The following DIS3 variants were observed in gnomAD, a reference collection of about 807,000 sequenced individuals.
DIS3 encodes the protein exosome complex exonuclease RRP44.
Under a neutral mutation model 113.0 loss-of-function variants are expected in DIS3, and 103 were observed. The ratio of observed to expected loss-of-function variants is 0.91; its 90% CI spans 0.78 to 1.07. The LOEUF is 1.07. Ranked by LOEUF, DIS3 falls within the 50% of genes least tolerant of loss-of-function variation. The pLI, the probability that DIS3 is intolerant of heterozygous loss-of-function variation, is 0.00. For missense variants in DIS3, 1,121 were observed against 1,167.1 expected (o/e 0.96, Z 0.58); for synonymous variants, 402 against 394.3 (o/e 1.02, Z -0.23).
chr13:72,765,469 G>C (rs2033722166), intron 15 of DIS3, among the ~76,000 whole-genome samples: 1 of 152,090 alleles, frequency 6.6e-6, no homozygotes, highest in Non-Finnish European at 1.5e-5. Context: ...TGCGACAAGG[G>C]GAGGGAGGGA....
chr13:72,775,595 C>G (rs553084948), intron 5 of DIS3, among the ~76,000 whole-genome samples: 38 of 152,212 alleles, frequency 2.5e-4, no homozygotes, highest in African/African-American at 8.7e-4. Context: ...AGGCTGTGTT[C>G]ATGGCTCCAT....
At chr13:72,764,856 G>A (rs2033708695) in intron 15 of DIS3, among the ~76,000 whole-genome samples, 1 of 151,920 alleles carries the variant, frequency 6.6e-6, no homozygotes, top group Admixed American at 6.6e-5. Context: ...TTTTACTTTG[G>A]CAAAGCTAGT....
At chr13:72,760,136 C>G (rs1032223091) in intron 20 of DIS3, among the ~76,000 whole-genome samples, 3 of 152,124 alleles carry the variant, frequency 2.0e-5, no homozygotes, top group South Asian at 2.1e-4. Flanking sequence ...TACAAAACAG[C>G]CTTCCCAATG....
At chr13:72,769,312 A>C (rs1042518286) in intron 13 of DIS3, among the ~76,000 whole-genome samples, 3 of 152,306 alleles carry the variant, frequency 2.0e-5, no homozygotes, top group Admixed American at 6.5e-5. Context: ...CAAATAATTA[A>C]GACTGCAGGA....
intron 14 of DIS3, among the ~76,000 whole-genome samples, chr13:72,768,098 T>C (rs565314320): frequency 6.6e-6 from 1 of 151,444 alleles, no homozygotes; most frequent in East Asian, 1.9e-4. Flanking sequence ...AATGAGGAGG[T>C]TGAATTAAAT....
At chr13:72,762,232 T>A in intron 16 of DIS3, 95 bp from the exon 17 acceptor site, 1 of 1,123,728 alleles carries the variant, frequency 8.9e-7, no homozygotes. Context: ...TGAACAAACA[T>A]CATGTTTTTG....
intron 15 of DIS3, among the ~76,000 whole-genome samples, chr13:72,764,202 T>A (rs989203845): frequency 2.0e-5 from 3 of 152,014 alleles, no homozygotes; most frequent in Non-Finnish European, 4.4e-5. Context: ...ACTACTCTAT[T>A]TATAAATGAA....
rs530116688 is a variant in DIS3 at position 72,761,612 on chromosome 13, A to AT, written c.2511+33dup. On this transcript the variant is annotated intron_variant, in intron 18 of 20. Transcript: ENST00000377767. ...TTAAATTAAAAATGAACAAAACTTCATTTTTTCTAGCAGTATCGACAAAAG... is the reference window on the plus strand; with the variant it reads ...TTAAATTAAAAATGAACAAAACTTCATTTTTTTCTAGCAGTATCGACAAAAG... 660 of 1,546,614 alleles carry AT rather than the reference A, an allele frequency of 4.3e-4. 8 individuals carry two copies. The South Asian group carries it at 7.7e-3, about 18-fold the overall frequency.
chr13:72,771,335 G>T (rs1421103804), intron 11 of DIS3, among the ~76,000 whole-genome samples, 190 bp from the exon 12 acceptor site: 1 of 152,174 alleles, frequency 6.6e-6, no homozygotes, highest in African/African-American at 2.4e-5. Flanking sequence ...AATTGTTAAA[G>T]AAGGAAAGCT....
At position 72,757,709 on chromosome 13, in the gene DIS3, G is replaced by A. The variant is rs1464106993; in HGVS notation, c.*2086C>T. On this transcript the variant is annotated 3_prime_UTR_variant, in exon 21 of 21. Coordinates refer to ENST00000377767, the MANE Select transcript of DIS3 (RefSeq NM_014953.5). ...CCCAAAATGCTAGGATTACAGGCAT[G>A]AGCCACCGCACCTAGCCGGCAAACT... 2 of 184,734 alleles carry A rather than the reference G, an allele frequency of 1.1e-5. No homozygotes were observed. Among genetic ancestry groups the A allele is most frequent in the Admixed American group, 6.2e-5 (1 of 16,062 alleles). The allele number at this position is 184,734 out of a possible 1,614,324, so 11.4% of individuals were successfully genotyped here. A position where few individuals can be genotyped will look rare whatever the true frequency, so the allele number is the denominator to read the frequency against.
intron 11 of DIS3, 32 bp downstream of exon 11, chr13:72,771,763 G>T: frequency 1.3e-6 from 2 of 1,597,628 alleles, no homozygotes; most frequent in Admixed American, 1.7e-5. Flanking sequence ...AAGTGTCCAT[G>T]ACTGTTAAAT....
Position 72,755,409 on chromosome 13 carries a change from A to G in DIS3, c.*4386T>C, listed in dbSNP as rs2033431785. The G allele has an allele frequency of 1.1e-5, 6 of 529,236 alleles. No homozygotes were observed. In the South Asian group the frequency reaches 1.8e-4, roughly 15 times the overall value. The allele number at this position is 529,236 out of a possible 1,614,324, so 32.8% of individuals were successfully genotyped here. On this transcript the variant is annotated 3_prime_UTR_variant, in exon 21 of 21. Coordinates refer to ENST00000377767, the MANE Select transcript of DIS3 (RefSeq NM_014953.5). The stretch of plus-strand genomic sequence containing the variant: ...TGCTCCTGGAACTTCAAGTTGCTGA[A>G]TTATAAGTTTATTTTTTATCAATAA...
chr13:72,774,605 T>C (rs755610687), intron 6 of DIS3, among the ~76,000 whole-genome samples: 4 of 152,144 alleles, frequency 2.6e-5, no homozygotes, highest in Non-Finnish European at 4.4e-5. Flanking sequence ...GATAATTTTA[T>C]AGTGAGACTC....
Position 72,768,592 on chromosome 13 carries a change from C to T in DIS3, c.1883+193G>A, listed in dbSNP as rs3782939. 2.7e-4 allele frequency among the ~76,000 whole-genome samples: 41 copies of T among 152,218 alleles called. No individual in the cohort carries two copies. The East Asian group carries it at 7.5e-3, about 28-fold the overall frequency. ...TCGGGAGGCAGAGGTTACAGTCAGC[C>T]GAGATTGTGCCATTGCACTCCAGCG... On this transcript the variant is annotated intron_variant, in intron 14 of 20. Transcript: ENST00000377767.
chr13:72,768,632 A>G (rs139180524), intron 14 of DIS3, among the ~76,000 whole-genome samples, 153 bp downstream of exon 14: 87 of 152,308 alleles, frequency 5.7e-4, no homozygotes, highest in African/African-American at 2.0e-3. Context: ...TGACAGAGTA[A>G]AACTCCGTTT....
Position 72,759,219 on chromosome 13 carries a change from C to G in DIS3, c.*576G>C, listed in dbSNP as rs923445935. 26 of 197,982 alleles carry G rather than the reference C, an allele frequency of 1.3e-4. No homozygotes were observed. The highest frequency in any genetic ancestry group is 2.6e-4 in the Non-Finnish European group (25 of 95,698). The allele number at this position is 197,982 out of a possible 1,614,324, so 12.3% of individuals were successfully genotyped here. ...TCAGGTCAAAATATCCTACTTTTTG[C>G]CTTTCTACCAATTCCCAAACATTCA... On this transcript the variant is annotated 3_prime_UTR_variant, in exon 21 of 21. Coordinates refer to ENST00000377767, the MANE Select transcript of DIS3 (RefSeq NM_014953.5).
chr13:72,770,806 T>C, intron 13 of DIS3, 98 bp downstream of exon 13: 2 of 627,426 alleles, frequency 3.2e-6, no homozygotes, highest in South Asian at 3.0e-5. Flanking sequence ...TATATGTGTA[T>C]ATATACGTAC....
chr13:72,771,191 T>C (rs746024667), intron 11 of DIS3, 46 bp from the exon 12 acceptor site: 6 of 1,442,994 alleles, frequency 4.2e-6, no homozygotes, highest in South Asian at 2.4e-5. Flanking sequence ...GCCATAACCA[T>C]ACATTTATGT....
At chr13:72,764,347 A>C (rs2033699630) in intron 15 of DIS3, among the ~76,000 whole-genome samples, 1 of 152,178 alleles carries the variant, frequency 6.6e-6, no homozygotes, top group Non-Finnish European at 1.5e-5. Flanking sequence ...AATTTTTAAC[A>C]ATAAATTACT....
Sources: gnomAD v4.1 joint callset for allele counts (sites outside exome capture counted in the v4.1 genomes callset) on GRCh38, gnomAD v4.1.1 for gene constraint, MANE v1.5 for transcripts, NCBI Gene and HGNC (gene_info 2026-07-23, HGNC 2026-07-21) for gene names.